TENM2: variants seen among roughly 807,000 people sequenced by gnomAD.
TENM2 encodes the protein teneurin transmembrane protein 2, also known as teneurin-2.
Under a neutral mutation model 245.2 loss-of-function variants are expected in TENM2, and 52 were observed. The observed-to-expected ratio is 0.21, with a 90% CI of 0.17 to 0.27. TENM2 has a LOEUF of 0.27. Ranked by LOEUF, TENM2 falls within the 10% of genes least tolerant of loss-of-function variation. TENM2 has a pLI of 1.00. For synonymous variants in TENM2, 1,363 were observed against 1,438.9 expected (o/e 0.95, Z 1.19); for missense variants, 3,046 against 3,666.8 (o/e 0.83, Z 4.37).
intron 2 of TENM2, among the ~76,000 whole-genome samples, chr5:167,786,312 T>G (rs1404855382): frequency 6.6e-6 from 1 of 152,224 alleles, no homozygotes; most frequent in Non-Finnish European, 1.5e-5. Flanking sequence ...ACCTCATGAC[T>G]GAGAAGAATA....
chr5:168,183,583 C>A (rs1760119519), intron 13 of TENM2, among the ~76,000 whole-genome samples: 2 of 152,164 alleles, frequency 1.3e-5, no homozygotes, highest in Non-Finnish European at 2.9e-5. Context: ...CCTCCAGGAC[C>A]CCTGCACCTT....
chr5:168,043,154 AG>A (rs1294392420), intron 5 of TENM2, among the ~76,000 whole-genome samples: 1 of 152,164 alleles, frequency 6.6e-6, no homozygotes, highest in Admixed American at 6.5e-5. Context: ...CAGTGCATCC[AG>A]GATCTCTTGA....
intron 12 of TENM2, among the ~76,000 whole-genome samples, chr5:168,155,870 C>T (rs1757107647): frequency 7.5e-6 from 1 of 132,784 alleles, no homozygotes; most frequent in Non-Finnish European, 1.5e-5. Context: ...TTTATCATTC[C>T]ATTTAATACC....
At chr5:167,342,050 A>T (rs1049507354) in intron 1 of TENM2, among the ~76,000 whole-genome samples, 1 of 152,212 alleles carries the variant, frequency 6.6e-6, no homozygotes, top group Non-Finnish European at 1.5e-5. Flanking sequence ...TGACACACCC[A>T]ATTGTCCAGG....
intron 1 of TENM2, among the ~76,000 whole-genome samples, chr5:167,361,300 C>G (rs1163630056): frequency 1.3e-5 from 2 of 152,164 alleles, no homozygotes; most frequent in East Asian, 3.9e-4. Context: ...AAATTTACCT[C>G]AAATCCTCTT....
At chr5:166,999,128 G>C in the TENM2 span, among the ~76,000 whole-genome samples, 16 of 152,026 alleles carry the variant, frequency 1.1e-4, no homozygotes, top group African/African-American at 3.6e-4. Flanking sequence ...AAAGTACAAT[G>C]TTAAAAGTAG....
the TENM2 span, among the ~76,000 whole-genome samples, chr5:167,100,459 T>A: frequency 6.6e-6 from 1 of 152,244 alleles, no homozygotes; most frequent in Middle Eastern, 3.4e-3. Flanking sequence ...ACCATTTCCC[T>A]CCCTCTCCAT....
At chr5:168,198,221 A>T (rs1344658413) in intron 15 of TENM2, among the ~76,000 whole-genome samples, 2 of 127,478 alleles carry the variant, frequency 1.6e-5, no homozygotes, top group Admixed American at 8.6e-5. Context: ...TTTGAGACAG[A>T]GTCTCACTCT....
chr5:168,207,409 G>A (rs1995037), intron 19 of TENM2, among the ~76,000 whole-genome samples: 1 of 152,176 alleles, frequency 6.6e-6, no homozygotes, highest in African/African-American at 2.4e-5. Context: ...CCCACGTGGT[G>A]ACATTAGGAC....
At chr5:167,410,262 G>A (rs967581877) in intron 2 of TENM2, among the ~76,000 whole-genome samples, 1 of 151,976 alleles carries the variant, frequency 6.6e-6, no homozygotes, top group African/African-American at 2.4e-5. Flanking sequence ...CTTTTCACTT[G>A]TTGAGACAGA....
In TENM2 at chr5:167,948,375, G is replaced by A. The variant is rs369952320; in HGVS notation, c.713-4213G>A. Among the ~76,000 whole-genome samples the A allele has an allele frequency of 5.3e-4, 81 of 152,328 alleles. 2 individuals are homozygous for A. The South Asian group carries it at 0.011, about 20-fold the overall frequency. On this transcript the variant is annotated intron_variant, in intron 3 of 28. Transcript: ENST00000518659. The stretch of plus-strand genomic sequence containing the variant: ...ACTGTCCCACAGAAAATCTAAAAGC[G>A]CAGAAGCACAGACCATTCTTTAGCA...
At chr5:167,940,484 G>A (rs2151763690) in intron 3 of TENM2, among the ~76,000 whole-genome samples, 1 of 152,318 alleles carries the variant, frequency 6.6e-6, no homozygotes, top group South Asian at 2.1e-4. Context: ...GACTGATGCT[G>A]TCTCGGAAGG....
At chr5:167,957,906 T>C (rs1780688194) in intron 4 of TENM2, among the ~76,000 whole-genome samples, 1 of 152,226 alleles carries the variant, frequency 6.6e-6, no homozygotes, top group Non-Finnish European at 1.5e-5. Context: ...ATGTGGTCAA[T>C]TTTAGAATAA....
chr5:167,622,475 C>T (rs954269406), intron 2 of TENM2, among the ~76,000 whole-genome samples: 2 of 151,568 alleles, frequency 1.3e-5, no homozygotes, highest in Non-Finnish European at 2.9e-5. Context: ...GTATAGATTC[C>T]TCACTCACTG....
the TENM2 span, among the ~76,000 whole-genome samples, chr5:167,077,331 CT>C: frequency 0.018 from 2,692 of 152,016 alleles, 72 homozygotes; most frequent in African/African-American, 0.061. Context: ...CATTTTTAAA[CT>C]TTTTTTTCTT....
the TENM2 span, among the ~76,000 whole-genome samples, chr5:167,060,537 G>A: frequency 6.6e-6 from 1 of 151,298 alleles, no homozygotes; most frequent in Non-Finnish European, 1.5e-5. Context: ...TGTAATCTCA[G>A]CTACTTGGGA....
chr5:167,958,110 G>T (rs1242032757), intron 4 of TENM2, among the ~76,000 whole-genome samples: 1 of 152,156 alleles, frequency 6.6e-6, no homozygotes, highest in Non-Finnish European at 1.5e-5. Flanking sequence ...GGGAGTCTAA[G>T]TTGCTTTGTA....
In TENM2 at chr5:167,736,261, T is replaced by G. The variant is rs10060295; in HGVS notation, c.503-139725T>G. On this transcript the variant is annotated intron_variant, in intron 2 of 28. Transcript: ENST00000518659. ...ATCGCAAGAACAGGAGGGGATAAACTGCCCCTGTGATTCAATTATCTCCAC... is the reference window on the plus strand; with the variant it reads ...ATCGCAAGAACAGGAGGGGATAAACGGCCCCTGTGATTCAATTATCTCCAC... Among the ~76,000 whole-genome samples, 1,286 of 152,134 alleles carry G rather than the reference T, an allele frequency of 8.5e-3. 19 individuals are homozygous for G. Among genetic ancestry groups the G allele is most frequent in the African/African-American group, 0.029 (1,221 of 41,506 alleles).
exon 12 of TENM2, chr5:168,126,905 C>T (rs1795892506): frequency 1.2e-6 from 2 of 1,608,680 alleles, no homozygotes; most frequent in African/African-American, 1.3e-5. Context: ...AATGTGAATG[C>T]CGAGAGGGCT....
Sources: gnomAD v4.1 joint callset for allele counts (sites outside exome capture counted in the v4.1 genomes callset) on GRCh38, gnomAD v4.1.1 for gene constraint, MANE v1.5 for transcripts, NCBI Gene and HGNC (gene_info 2026-07-23, HGNC 2026-07-21) for gene names.